PDLIM1: variants seen among roughly 807,000 people sequenced by gnomAD.
PDLIM1 encodes PDZ and LIM domain protein 1.
A neutral mutation model predicts 35.2 loss-of-function variants in PDLIM1; 25 were observed. That is an observed-to-expected ratio of 0.71 (90% CI 0.52 to 0.99). PDLIM1 has a LOEUF of 0.99. PDLIM1 is among the 50% of genes least tolerant of loss of function. The probability of loss-of-function intolerance (pLI) is 0.00; values close to 1 mark genes in which losing one functional copy is unlikely to be tolerated. For synonymous variants in PDLIM1, 152 were observed against 154.0 expected, an observed-to-expected ratio of 0.99 and a Z score of 0.10; for missense variants, 363 against 415.3, an observed-to-expected ratio of 0.87 and a Z score of 1.09.
In PDLIM1 at chr10:95,254,224, A is replaced by G. The variant is rs150146510; in HGVS notation, c.534-6858T>C. The stretch of plus-strand genomic sequence containing the variant: ...CAGTACATTTTAAAACATGACCCAA[A>G]TACATGCTATCAACATAAAACTCAT... On this transcript the variant is annotated intron_variant, in intron 4 of 6. Coordinates refer to ENST00000329399, the MANE Select transcript of PDLIM1 (RefSeq NM_020992.4). Among the ~76,000 whole-genome samples the G allele has an allele frequency of 3.3e-5, 5 of 152,348 alleles. No individual in the cohort carries two copies. In the East Asian group the frequency reaches 9.6e-4, roughly 29 times the overall value.
In PDLIM1 at chr10:95,237,660, T is replaced by G; in HGVS notation, c.*265A>C. 1 of 451,812 alleles carries G rather than the reference T, an allele frequency of 2.2e-6. No individual in the cohort carries two copies. Among genetic ancestry groups the G allele is most frequent in the Non-Finnish European group, 4.0e-6 (1 of 250,800 alleles). 28.0% of individuals were successfully genotyped at this position (451,812 alleles called of 1,614,324 possible). On this transcript the variant is annotated 3_prime_UTR_variant, in exon 7 of 7. Transcript: ENST00000329399. ...GGTTCAAATTTGGCTGATGTCCAAA[T>G]GCAGCAGAGAAGAACGGTGGGGCGA... is the stretch of plus-strand genomic sequence containing the variant.
chr10:95,278,456 G>C (rs570514552), intron 1 of PDLIM1, among the ~76,000 whole-genome samples: 13 of 152,306 alleles, frequency 8.5e-5, no homozygotes, highest in African/African-American at 2.9e-4. Context: ...CTCCTGGGGG[G>C]AGACAAGCAT....
In PDLIM1 at chr10:95,283,981, C is replaced by CTCTGTGTG. The variant is rs143926521; in HGVS notation, c.96+6838_96+6839insCACACAGA. On this transcript the variant is annotated intron_variant, in intron 1 of 6. Coordinates refer to ENST00000329399, the MANE Select transcript of PDLIM1 (RefSeq NM_020992.4). ...TCACTCTTAGGTATGGCCTTTTTCT[C>CTCTGTGTG]TGTGTGTGTGTGTGTGTGTGTGTGT... Among the ~76,000 whole-genome samples, 344 of 150,318 alleles carry CTCTGTGTG rather than the reference C, an allele frequency of 2.3e-3. 5 individuals are homozygous for CTCTGTGTG. In the South Asian group the frequency reaches 0.033, roughly 14 times the overall value.
At chr10:95,248,104 G>A (rs923314626) in intron 4 of PDLIM1, among the ~76,000 whole-genome samples, 12 of 152,184 alleles carry the variant, frequency 7.9e-5, no homozygotes, top group Non-Finnish European at 1.6e-4. Flanking sequence ...AGCAGTGGAC[G>A]GTGACAGGGA....
chr10:95,264,792 C>G (rs559222146), intron 3 of PDLIM1, among the ~76,000 whole-genome samples: 97 of 152,148 alleles, frequency 6.4e-4, no homozygotes, highest in Non-Finnish European at 1.2e-3. Flanking sequence ...CCACCCCCAC[C>G]CTAGACTTGT....
Position 95,290,895 on chromosome 10 carries a change from G to T in PDLIM1, c.21C>A (p.Asp7Glu). 3 of 1,562,450 alleles carry T rather than the reference G, an allele frequency of 1.9e-6. No homozygotes were observed. The South Asian group carries it at 3.5e-5, about 18-fold the overall frequency. Residue 7 changes from aspartate (D) to glutamate (E), a missense_variant, in exon 1 of 7, where the codon GAC becomes GAA. Transcript: ENST00000329399. The surrounding 1 kb of genome is among the most constrained non-coding windows in gnomAD (Gnocchi z 4.7). MTTQQI[D>E]LQGPGPWGFR... The stretch of plus-strand genomic sequence containing the variant: ...AGCCCCACGGCCCCGGGCCCTGGAG[G>T]TCTATCTGCTGGGTGGTCATGGCGC...
At chr10:95,279,591 T>C (rs1273927760) in intron 1 of PDLIM1, among the ~76,000 whole-genome samples, 2 of 152,192 alleles carry the variant, frequency 1.3e-5, no homozygotes, top group Non-Finnish European at 2.9e-5. Context: ...CATTTGTTGA[T>C]TCAACCAACA....
At chr10:95,246,844 C>A (rs2035225815) in intron 5 of PDLIM1, among the ~76,000 whole-genome samples, 1 of 152,216 alleles carries the variant, frequency 6.6e-6, no homozygotes, top group South Asian at 2.1e-4. Context: ...GCCTTCATCA[C>A]TGAAGTTCCT....
Position 95,255,324 on chromosome 10 carries a change from TA to T in PDLIM1, c.534-7959del, listed in dbSNP as rs56689408. Among the ~76,000 whole-genome samples, 281 of 102,880 alleles carry T rather than the reference TA, an allele frequency of 2.7e-3. 1 individual carries two copies. Among genetic ancestry groups the T allele is most frequent in the East Asian group, 0.013 (32 of 2,416 alleles). The allele number at this position is 102,880 out of a possible 152,430, so 67.5% of individuals were successfully genotyped here. ...ACCCTGATACCAAAACCAAAGATAC[TA>T]AAAAAAAAAAAAAAAAAGCTACAGA... On this transcript the variant is annotated intron_variant, in intron 4 of 6. Transcript: ENST00000329399.
chr10:95,268,428 GTCATGAT>G (rs1564603500), intron 3 of PDLIM1, among the ~76,000 whole-genome samples: 1 of 152,136 alleles, frequency 6.6e-6, no homozygotes, highest in African/African-American at 2.4e-5. Context: ...TTTCATCCCT[GTCATGAT>G]TCATTTGTTG....
rs776645576 is a variant in PDLIM1, at chr10:95,264,044, C to T, written c.353G>A (p.Ser118Asn). 2 of 1,613,622 alleles carry T rather than the reference C, an allele frequency of 1.2e-6. No homozygotes were observed. The highest frequency in any genetic ancestry group is 1.7e-6 in the Non-Finnish European group (2 of 1,179,846). The change falls in exon 4 of 7, where the codon AGC becomes AAC. Residue 118 changes from serine (S) to asparagine (N), a missense_variant. Coordinates refer to ENST00000329399, the MANE Select transcript of PDLIM1 (RefSeq NM_020992.4). ...GGGCATGGCACTTCGGTTGTGGGCG[C>T]TTCCTATGTGCAGGACCTCCTGCAG... ...SEPQEVLHIG[S>N]AHNRSAMPFT...
chr10:95,239,994 G>T (rs1298089433), intron 5 of PDLIM1, among the ~76,000 whole-genome samples: 2 of 152,140 alleles, frequency 1.3e-5, no homozygotes, highest in Non-Finnish European at 2.9e-5. Flanking sequence ...AAAAACAACA[G>T]ATGCTGGCAA....
chr10:95,277,067 T>C (rs2035518419), intron 1 of PDLIM1, among the ~76,000 whole-genome samples: 1 of 151,382 alleles, frequency 6.6e-6, no homozygotes, highest in East Asian at 2.0e-4. Flanking sequence ...CAAAAAAAAT[T>C]TGCCAGGTGT....
At chr10:95,257,267 T>C (rs1029404731) in intron 4 of PDLIM1, among the ~76,000 whole-genome samples, 1 of 151,750 alleles carries the variant, frequency 6.6e-6, no homozygotes, top group Non-Finnish European at 1.5e-5. Flanking sequence ...TTGAATTTGG[T>C]GATGATTTCT....
At chr10:95,245,291 T>C (rs2035210106) in intron 5 of PDLIM1, among the ~76,000 whole-genome samples, 1 of 152,214 alleles carries the variant, frequency 6.6e-6, no homozygotes. Flanking sequence ...TTATCTCCCT[T>C]CTTCCTCCCT....
intron 4 of PDLIM1, among the ~76,000 whole-genome samples, chr10:95,252,640 C>T (rs973962148): frequency 6.6e-6 from 1 of 151,952 alleles, no homozygotes; most frequent in Non-Finnish European, 1.5e-5. Context: ...AAAAATGTTT[C>T]AATGAACAAT....
chr10:95,290,951 G>A lies in PDLIM1; in HGVS notation c.-36C>T, dbSNP rs1401258146. 2 of 1,343,502 alleles carry A rather than the reference G, an allele frequency of 1.5e-6. No homozygotes were observed. 83.2% of individuals were successfully genotyped at this position (1,343,502 alleles called of 1,614,324 possible). A position where few individuals can be genotyped will look rare whatever the true frequency, so the allele number is the denominator to read the frequency against. On this transcript the variant is annotated 5_prime_UTR_variant, in exon 1 of 7. Coordinates refer to ENST00000329399, the MANE Select transcript of PDLIM1 (RefSeq NM_020992.4). The surrounding 1 kb of genome is among the most constrained non-coding windows in gnomAD (Gnocchi z 4.7). ...TGGCGGGCGACGACCCGCGGGGACAGACGGGCAGGACGCGCGGAACAGCTT... is the reference window on the plus strand; with the variant it reads ...TGGCGGGCGACGACCCGCGGGGACAAACGGGCAGGACGCGCGGAACAGCTT...
chr10:95,277,579 G>A (rs1361632009), intron 1 of PDLIM1, among the ~76,000 whole-genome samples: 1 of 151,804 alleles, frequency 6.6e-6, no homozygotes, highest in Non-Finnish European at 1.5e-5. Flanking sequence ...GGAGGTGGAG[G>A]TTGCAGTGAG....
At chr10:95,249,206 T>C (rs1183345280) in intron 4 of PDLIM1, among the ~76,000 whole-genome samples, 2 of 152,186 alleles carry the variant, frequency 1.3e-5, no homozygotes, top group Non-Finnish European at 2.9e-5. Context: ...CTCCTTGCTG[T>C]GCTCCCCCTG....
Sources: gnomAD v4.1 joint callset for allele counts (sites outside exome capture counted in the v4.1 genomes callset) on GRCh38, gnomAD v4.1.1 for gene constraint, Gnocchi (gnomAD v3.1) non-coding constraint, MANE v1.5 for transcripts, NCBI Gene and HGNC (gene_info 2026-07-23, HGNC 2026-07-21) for gene names.